Variants in ADAMTS16 observed in about 807,000 individuals in gnomAD.
The protein encoded by ADAMTS16 is A disintegrin and metalloproteinase with thrombospondin motifs 16.
A neutral mutation model predicts 145.8 loss-of-function variants in ADAMTS16; 94 were observed. The observed-to-expected ratio is 0.64, with a 90% CI of 0.55 to 0.77. The LOEUF (loss-of-function observed/expected upper bound fraction) is 0.77, where lower values mean the gene tolerates loss of function less well. Among genes scored for constraint, ADAMTS16 ranks in the 30% least tolerant of loss-of-function variants. The pLI is 0.00. For missense variants in ADAMTS16, 1,585 were observed against 1,591.5 expected (o/e 1.00, Z 0.07); for synonymous variants, 659 against 604.3 (o/e 1.09, Z -1.33).
intron 17 of ADAMTS16, among the ~76,000 whole-genome samples, chr5:5,256,044 T>A (rs1737769482): frequency 6.6e-6 from 1 of 152,280 alleles, no homozygotes; most frequent in East Asian, 1.9e-4. Context: ...CTACCTGATC[T>A]TCTTTTTGCT....
At chr5:5,192,414 T>C (rs1331334799) in intron 8 of ADAMTS16, among the ~76,000 whole-genome samples, 1 of 152,218 alleles carries the variant, frequency 6.6e-6, no homozygotes, top group Admixed American at 6.5e-5. Flanking sequence ...AACCCTCCCA[T>C]TGCTTCCTGC....
intron 5 of ADAMTS16, 47 bp from the exon 6 acceptor site, chr5:5,187,678 G>A: frequency 7.4e-7 from 1 of 1,354,124 alleles, no homozygotes; most frequent in Non-Finnish European, 1.1e-6. Flanking sequence ...TAAGTAGGGG[G>A]GAAAATGCCA....
chr5:5,197,638 A>G (rs553952567), intron 8 of ADAMTS16, among the ~76,000 whole-genome samples: 12 of 152,376 alleles, frequency 7.9e-5, no homozygotes, highest in Admixed American at 5.9e-4. Context: ...TCTGGTCTGC[A>G]TAATTTGAAT....
chr5:5,241,419 G>A (rs34880199), intron 16 of ADAMTS16, among the ~76,000 whole-genome samples: 28,322 of 152,152 alleles, frequency 0.19, 2,725 homozygotes, highest in East Asian at 0.29. Flanking sequence ...CTTTTCCTGC[G>A]GACTTAATGG....
intron 7 of ADAMTS16, among the ~76,000 whole-genome samples, chr5:5,191,373 T>C (rs1735659625): frequency 6.6e-6 from 1 of 152,066 alleles, no homozygotes; most frequent in Non-Finnish European, 1.5e-5. Context: ...CCATCTGCAA[T>C]AGATTCCACG....
Position 5,303,315 on chromosome 5 carries a change from G to C in ADAMTS16, c.2837G>C (p.Gly946Ala), listed in dbSNP as rs201284761. Residue 946 changes from glycine (G) to alanine (A), a missense_variant, in exon 19 of 23, where the codon GGT becomes GCT. Gly to Ala is a moderately conservative substitution (Grantham distance 60). Transcript: ENST00000274181. ...WSACSRTCGG[G>A]AQSRPVQCTR... is the part of the protein sequence containing the mutation. ...GCCTGCAGTCGGACGTGTGGCGGGG[G>C]TGCCCAGAGCCGCCCCGTGCAGTGC... 1 of 1,598,128 alleles carries C rather than the reference G, an allele frequency of 6.3e-7. No homozygotes were observed. The highest frequency in any genetic ancestry group is 8.5e-7 in the Non-Finnish European group (1 of 1,171,032).
At chr5:5,222,940 T>G in intron 11 of ADAMTS16, 56 bp downstream of exon 11, 2 of 1,508,722 alleles carry the variant, frequency 1.3e-6, no homozygotes, top group Non-Finnish European at 1.8e-6. Flanking sequence ...TTTCAACCCA[T>G]GCATCTTTGC....
intron 17 of ADAMTS16, 144 bp downstream of exon 17, chr5:5,242,335 G>C (rs1737318716): frequency 3.5e-6 from 4 of 1,145,886 alleles, no homozygotes; most frequent in Non-Finnish European, 3.6e-6. Context: ...GTGGGGAGTG[G>C]TGGTCCTGAG....
intron 8 of ADAMTS16, among the ~76,000 whole-genome samples, chr5:5,197,829 T>C (rs1025268): frequency 0.71 from 108,154 of 152,004 alleles, 38,917 homozygotes; most frequent in East Asian, 0.82. Flanking sequence ...GAGACACAAA[T>C]TGTGAAATAG....
intron 3 of ADAMTS16, among the ~76,000 whole-genome samples, chr5:5,163,753 G>A (rs530692401): frequency 6.6e-6 from 1 of 152,320 alleles, no homozygotes; most frequent in Admixed American, 6.5e-5. Context: ...CAACTTGCTT[G>A]AGAGTAAGGA....
intron 21 of ADAMTS16, among the ~76,000 whole-genome samples, chr5:5,309,827 C>T (rs369526393): frequency 1.4e-5 from 2 of 146,980 alleles, no homozygotes; most frequent in East Asian, 2.0e-4. Flanking sequence ...GTCATGTCCT[C>T]GTGTGTGTGT....
intron 2 of ADAMTS16, among the ~76,000 whole-genome samples, chr5:5,144,852 G>A (rs1418782111): frequency 6.6e-6 from 1 of 152,194 alleles, no homozygotes; most frequent in Non-Finnish European, 1.5e-5. Flanking sequence ...CTCTTAGAGA[G>A]TTACAGGCTC....
Position 5,150,650 on chromosome 5 carries a change from T to C in ADAMTS16, c.501+4195T>C, listed in dbSNP as rs973036151. ...GGACTGCAACAGAGTCCAGGTTGTT[T>C]CTGCCCTTTCCTCCCTATCTCATGA... On this transcript the variant is annotated intron_variant, in intron 3 of 22. Transcript: ENST00000274181. 2.6e-5 allele frequency among the ~76,000 whole-genome samples: 4 copies of C among 152,252 alleles called. No homozygotes were observed. In the South Asian group the frequency reaches 6.2e-4, roughly 24 times the overall value.
At chr5:5,177,487 C>G (rs1431843840) in intron 3 of ADAMTS16, among the ~76,000 whole-genome samples, 2 of 152,108 alleles carry the variant, frequency 1.3e-5, no homozygotes, top group Non-Finnish European at 2.9e-5. Flanking sequence ...GAAACAGACA[C>G]AAAATTTCTT....
intron 17 of ADAMTS16, among the ~76,000 whole-genome samples, chr5:5,249,758 C>T (rs557131862): frequency 5.6e-4 from 86 of 152,324 alleles, no homozygotes; most frequent in African/African-American, 1.9e-3. Flanking sequence ...AGGTGACAGC[C>T]TTTTACACCC....
At chr5:5,229,156 G>T (rs1319961364) in intron 11 of ADAMTS16, among the ~76,000 whole-genome samples, 1 of 151,570 alleles carries the variant, frequency 6.6e-6, no homozygotes, top group African/African-American at 2.4e-5. Context: ...AAATTAGCCG[G>T]GCGCGGTGGC....
chr5:5,162,329 A>G (rs1221161604), intron 3 of ADAMTS16, among the ~76,000 whole-genome samples: 1 of 152,230 alleles, frequency 6.6e-6, no homozygotes, highest in East Asian at 1.9e-4. Context: ...AAATCTGCCA[A>G]TCAGACCCAT....
chr5:5,223,797 C>T (rs1736676936), intron 11 of ADAMTS16: 1 of 151,760 alleles, frequency 6.6e-6, no homozygotes, highest in Non-Finnish European at 1.5e-5. Context: ...ATATAAAAGA[C>T]TATTAATAAA....
intron 17 of ADAMTS16, among the ~76,000 whole-genome samples, chr5:5,258,074 A>T (rs1396971154): frequency 3.3e-5 from 5 of 152,146 alleles, no homozygotes; most frequent in African/African-American, 4.8e-5. Flanking sequence ...TGGGATGTGC[A>T]CCCCCACCAT....
Sources: allele counts gnomAD v4.1 joint callset (sites outside exome capture counted in the v4.1 genomes callset), GRCh38; gene constraint gnomAD v4.1.1; transcripts MANE v1.5; gene names NCBI Gene and HGNC (gene_info 2026-07-23, HGNC 2026-07-21).